Variants in S1PR2 observed in about 807,000 individuals in gnomAD.
The protein encoded by S1PR2 is sphingosine 1-phosphate receptor 2.
A neutral mutation model predicts 16.1 loss-of-function variants in S1PR2; 9 were observed. The ratio of observed to expected loss-of-function variants is 0.56; its 90% confidence interval spans 0.34 to 0.98. S1PR2 has a LOEUF of 0.98. S1PR2 is among the 50% of genes least tolerant of loss of function. The pLI is 0.02. For synonymous variants in S1PR2, 224 were observed against 233.9 expected (o/e 0.96, Z 0.38); for missense variants, 361 against 488.4 (o/e 0.74, Z 2.46).
At position 10,229,154 on chromosome 19, in the gene S1PR2, C is replaced by T. The variant is rs114551434; in HGVS notation, c.-43+2050G>A. Among the ~76,000 whole-genome samples the T allele has an allele frequency of 4.5e-3, 689 of 152,186 alleles. 5 individuals are homozygous for T. Among genetic ancestry groups the T allele is most frequent in the African/African-American group, 0.016 (656 of 41,516 alleles). On this transcript the variant is annotated intron_variant, in intron 1 of 1. Transcript: ENST00000646641. ...ATAGCCCAAGTAGGATGGCCCCTGC[C>T]GATGAAGCCTCCTCCCACTCTTCCC...
At chr19:10,226,993 C>G (rs998992944) in intron 1 of S1PR2, among the ~76,000 whole-genome samples, 2 of 151,760 alleles carry the variant, frequency 1.3e-5, no homozygotes, top group South Asian at 2.1e-4. Context: ...CCATCCCCCC[C>G]CATCGCCACC....
intron 1 of S1PR2, among the ~76,000 whole-genome samples, chr19:10,229,425 G>C (rs1024843539): frequency 2.6e-5 from 4 of 151,962 alleles, no homozygotes; most frequent in African/African-American, 9.7e-5. Flanking sequence ...GAGTAGCTGG[G>C]ATTATAGGTG....
chr19:10,228,414 G>A (rs1026747766), intron 1 of S1PR2, among the ~76,000 whole-genome samples: 3 of 152,178 alleles, frequency 2.0e-5, no homozygotes. Context: ...AAGACTGGGG[G>A]TGCTGCACTC....
chr19:10,228,989 G>A (rs2039652830), intron 1 of S1PR2, among the ~76,000 whole-genome samples: 3 of 152,094 alleles, frequency 2.0e-5, no homozygotes, highest in African/African-American at 4.8e-5. Context: ...CATGGAGCCC[G>A]TGGTAGCCAC....
intron 1 of S1PR2, among the ~76,000 whole-genome samples, 196 bp from the exon 2 acceptor site, chr19:10,225,143 C>G (rs138286594): frequency 6.6e-6 from 1 of 152,296 alleles, no homozygotes; most frequent in East Asian, 1.9e-4. Context: ...CCTAAAGTCT[C>G]AAATTTAACC....
In S1PR2 at chr19:10,224,277, A is replaced by G. The variant is rs1281171218; in HGVS notation, c.629T>C (p.Val210Ala). 2 of 1,613,922 alleles carry G rather than the reference A, an allele frequency of 1.2e-6. No individual in the cohort carries two copies. Among genetic ancestry groups the G allele is most frequent in the African/African-American group, 1.3e-5 (1 of 74,950 alleles). ...TGAGCGGACCACGCAGTAGATGCGC[A>G]CGTACAGGGCCACGATGGCCAACAG... ...IILLAIVALY[V>A]RIYCVVRSSH... The change falls in exon 2 of 2, where the codon GTG (valine) becomes GCG (alanine). Residue 210 changes from valine (V) to alanine (A), a missense_variant. By Grantham distance (64) the Val-to-Ala change is moderately conservative. Coordinates refer to ENST00000646641, the MANE Select transcript of S1PR2 (RefSeq NM_004230.4).
intron 1 of S1PR2, among the ~76,000 whole-genome samples, chr19:10,228,271 C>T (rs183489172): frequency 0.014 from 2,163 of 152,146 alleles, 39 homozygotes; most frequent in African/African-American, 0.045. Flanking sequence ...AAGATCGCAG[C>T]CATTGCACTC....
chr19:10,229,878 C>G (rs2145445949), intron 1 of S1PR2, among the ~76,000 whole-genome samples: 1 of 152,272 alleles, frequency 6.6e-6, no homozygotes, highest in African/African-American at 2.4e-5. Flanking sequence ...TGGCTTCCAC[C>G]TAGACAGTCA....
At position 10,224,132 on chromosome 19, in the gene S1PR2, G is replaced by C. The variant is rs1341401095; in HGVS notation, c.774C>G (p.Ala258=). 1 of 1,605,140 alleles carries C rather than the reference G, an allele frequency of 6.2e-7. No individual in the cohort carries two copies. The highest frequency in any genetic ancestry group is 8.5e-7 in the Non-Finnish European group (1 of 1,179,998). The change falls in exon 2 of 2, where the codon GCC becomes GCG. Residue 258 remains alanine, a synonymous_variant. Transcript: ENST00000646641. ...GGATCGGGCAGGAGTGGACGGGACA[G>C]GCATAGTCCAGAAGGAGGATGCTGA... ...PAFSILLLDY[A]CPVHSCPILY...
Position 10,224,598 on chromosome 19 carries a change from A to C in S1PR2, c.308T>G (p.Val103Gly). 2 of 1,613,976 alleles carry C rather than the reference A, an allele frequency of 1.2e-6. No homozygotes were observed. The highest frequency in any genetic ancestry group is 2.2e-5 in the East Asian group (1 of 44,888). ...AGAGCCCTCCCGGGCAAACCACTGC[A>C]CAGGCGTCAGCCTCAGCGTGACAGA... is the stretch of plus-strand genomic sequence containing the variant. ...SGSVTLRLTP[V>G]QWFAREGSAF... The change falls in exon 2 of 2, where the codon GTG becomes GGG. Residue 103 changes from valine (V) to glycine (G), a missense_variant. Physicochemically the swap from Val to Gly is moderately radical, Grantham distance 109. Transcript: ENST00000646641.
chr19:10,231,073 G>T (rs2039674241), intron 1 of S1PR2, 131 bp downstream of exon 1: 1 of 152,712 alleles, frequency 6.5e-6, no homozygotes, highest in Non-Finnish European at 1.5e-5. Context: ...GTGACCACCC[G>T]CTCCGTGCAG....
rs2288939 is a variant in S1PR2 at position 10,230,963 on chromosome 19, C to T, written c.-43+241G>A. 7.9e-5 allele frequency among the ~76,000 whole-genome samples: 12 copies of T among 152,370 alleles called. No individual in the cohort carries two copies. The East Asian group carries it at 2.3e-3, about 29-fold the overall frequency. Reference sequence around the variant, plus strand: ...AAAGCGCTCGGATTCAGCCTTCTCCCCGGCGCCAACTTCCTGCCGCTGAGA... The same window carrying T: ...AAAGCGCTCGGATTCAGCCTTCTCCTCGGCGCCAACTTCCTGCCGCTGAGA... On this transcript the variant is annotated intron_variant, in intron 1 of 1. Coordinates refer to ENST00000646641, the MANE Select transcript of S1PR2 (RefSeq NM_004230.4).
At position 10,223,571 on chromosome 19, in the gene S1PR2, T is replaced by C. The variant is rs2039607638; in HGVS notation, c.*273A>G. The C allele has an allele frequency of 2.3e-6, 1 of 435,098 alleles. No homozygotes were observed. The highest frequency in any genetic ancestry group is 4.0e-6 in the Non-Finnish European group (1 of 247,220). 27.0% of individuals were successfully genotyped at this position (435,098 alleles called of 1,614,324 possible). A position where few individuals can be genotyped will look rare whatever the true frequency, so the allele number is the denominator to read the frequency against. ...AAATGCTGCCTGCCCTCACCCTGGC[T>C]CTTCACAGGTCCCCTGCCCTGGCCT... On this transcript the variant is annotated 3_prime_UTR_variant, in exon 2 of 2. Coordinates refer to ENST00000646641, the MANE Select transcript of S1PR2 (RefSeq NM_004230.4).
rs74178202 is a variant in S1PR2, at chr19:10,222,029, C to G, written c.*1815G>C. On this transcript the variant is annotated 3_prime_UTR_variant, in exon 2 of 2. Transcript: ENST00000646641. ...CAGCAATTGGGGAGGCCGAGGCGGGCGGATCACTTGAGGTCAGGAGTTTGA... is the reference window on the plus strand; with the variant it reads ...CAGCAATTGGGGAGGCCGAGGCGGGGGGATCACTTGAGGTCAGGAGTTTGA... 1,933 of 152,390 alleles carry G rather than the reference C, an allele frequency of 0.013. 29 individuals are homozygous for G. Among genetic ancestry groups the G allele is most frequent in the Non-Finnish European group, 0.016 (1,071 of 68,108 alleles). 9.4% of individuals were successfully genotyped at this position (152,390 alleles called of 1,614,324 possible).
chr19:10,229,187 C>T (rs1164985717), intron 1 of S1PR2, among the ~76,000 whole-genome samples: 1 of 152,132 alleles, frequency 6.6e-6, no homozygotes, highest in Non-Finnish European at 1.5e-5. Context: ...CCCCCAGGGC[C>T]ATTCCACTCC....
chr19:10,230,220 G>A (rs566615967), intron 1 of S1PR2, among the ~76,000 whole-genome samples: 4 of 152,312 alleles, frequency 2.6e-5, no homozygotes, highest in Middle Eastern at 3.4e-3. Flanking sequence ...ATCTGGTTTA[G>A]GAATGCGCGG....
rs35364624 is a variant in S1PR2 at position 10,223,003 on chromosome 19, C to CAA, written c.*839_*840dup. ...TGAAACCCCGTCTCTACTAAAAATA[C>CAA]AAAAAAAAAAAAAATTACCTGGGCG... On this transcript the variant is annotated 3_prime_UTR_variant, in exon 2 of 2. Transcript: ENST00000646641. 67 of 131,150 alleles carry CAA rather than the reference C, an allele frequency of 5.1e-4. No homozygotes were observed. Among genetic ancestry groups the CAA allele is most frequent in the African/African-American group, 8.9e-4 (31 of 34,864 alleles). The allele number at this position is 131,150 out of a possible 1,614,324, so 8.1% of individuals were successfully genotyped here.
intron 1 of S1PR2, among the ~76,000 whole-genome samples, chr19:10,229,221 C>T (rs2039654282): frequency 1.3e-5 from 2 of 152,178 alleles, no homozygotes; most frequent in African/African-American, 4.8e-5. Context: ...CTCCTCCATG[C>T]TACCCCTACC....
chr19:10,229,477 A>C (rs2145445538), intron 1 of S1PR2, among the ~76,000 whole-genome samples: 1 of 152,046 alleles, frequency 6.6e-6, no homozygotes, highest in East Asian at 1.9e-4. Context: ...TTTAGTAGAG[A>C]TGGGGTTTCA....
Sources: gnomAD v4.1 joint callset for allele counts (sites outside exome capture counted in the v4.1 genomes callset) on GRCh38, gnomAD v4.1.1 for gene constraint, MANE v1.5 for transcripts, NCBI Gene and HGNC (gene_info 2026-07-23, HGNC 2026-07-21) for gene names.